ARX: variants seen among roughly 807,000 people sequenced by gnomAD.
ARX encodes the protein homeobox protein ARX.
Under a neutral mutation model 23.1 loss-of-function variants are expected in ARX, and 1 was observed. The observed-to-expected ratio is 0.04, with a 90% CI of 0.02 to 0.21. The LOEUF (loss-of-function observed/expected upper bound fraction) is 0.21. ARX is among the 10% of genes least tolerant of loss of function. The probability of loss-of-function intolerance (pLI) is 1.00; values close to 1 mark genes in which losing one functional copy is unlikely to be tolerated. For missense variants in ARX, 380 were observed against 527.5 expected, an observed-to-expected ratio of 0.72 and a Z score of 2.74; for synonymous variants, 301 against 270.1, an observed-to-expected ratio of 1.11 and a Z score of -1.12.
At position 25,004,292 on chromosome X, in the gene ARX, A is replaced by G. The variant is rs771348025; in HGVS notation, c.*378T>C. On this transcript the variant is annotated 3_prime_UTR_variant, in exon 5 of 5. Transcript: ENST00000379044. ...AAAAAAGAAAGAAAGAAAGAAAGAA[A>G]AGAAAGGCTAAGTGGGGTGTCAGGA... 1.4e-4 allele frequency: 22 copies of G among 158,341 alleles called. No homozygotes were observed. Among genetic ancestry groups the G allele is most frequent in the Middle Eastern group, 2.5e-3 (1 of 398 alleles). 13.0% of individuals were successfully genotyped at this position (158,341 alleles called of 1,213,427 possible).
chrX:25,011,307 C>T (rs186505140), intron 2 of ARX, among the ~76,000 whole-genome samples: 195 of 110,158 alleles, frequency 1.8e-3, no homozygotes, highest in African/African-American at 6.2e-3. Flanking sequence ...AAATCTAAAG[C>T]GGCACTCCAG....
At chrX:25,010,209 C>T in intron 3 of ARX, 51 bp downstream of exon 3, 2 of 1,184,684 alleles carry the variant, frequency 1.7e-6, no homozygotes, top group South Asian at 1.8e-5. Context: ...CTCTCTCTCC[C>T]ACTGGCCCCC....
At chrX:25,004,975 C>T (rs2048671369) in intron 4 of ARX, 65 bp from the exon 5 acceptor site, 5 of 1,053,843 alleles carry the variant, frequency 4.7e-6, no homozygotes, top group Non-Finnish European at 6.1e-6. Context: ...CGGGCAGCGT[C>T]TCCCGCCGCT....
rs922800521 is a variant in ARX at position 25,013,170 on chromosome X, G to A, written c.825C>T (p.Ala275=). Reference sequence around the variant, plus strand: ...TGGCCACTGCAGCGGCAGCTGCTGCGGCCACGGCGCCAGTGGCGGCCACAG... The same window carrying A: ...TGGCCACTGCAGCGGCAGCTGCTGCAGCCACGGCGCCAGTGGCGGCCACAG... The part of the protein sequence containing the change: ...RCPVAATGAV[A]AAAAAAVATE... Residue 275 remains alanine, a synonymous_variant, in exon 2 of 5, where the codon GCC becomes GCT. Transcript: ENST00000379044. 5.0e-6 allele frequency: 6 copies of A among 1,190,442 alleles called. No individual in the cohort carries two copies. The East Asian group carries it at 9.1e-5, about 18-fold the overall frequency.
In ARX at chrX:25,007,452, G is replaced by A. The variant is rs1182487787; in HGVS notation, c.1120-13C>T. 8.7e-7 allele frequency: 1 copy of A among 1,155,166 alleles called. No individual in the cohort carries two copies. Among genetic ancestry groups the A allele is most frequent in the Admixed American group, 2.5e-5 (1 of 39,280 alleles). On this transcript the variant is annotated splice_polypyrimidine_tract_variant and intron_variant, in intron 3 of 4. Transcript: ENST00000379044. ...TCTGGAACCAGACCTGCAAGGCAGA[G>A]AGAGCCCAGGGTCGGCGCGGCTCGG...
chrX:25,005,398 C>T (rs759075481), intron 4 of ARX, among the ~76,000 whole-genome samples: 6 of 112,336 alleles, frequency 5.3e-5, no homozygotes, highest in African/African-American at 1.9e-4. Context: ...GGACGCACGC[C>T]GCAGGCTCTG....
At chrX:25,005,023 AC>A in intron 4 of ARX, 113 bp from the exon 5 acceptor site, 1 of 985,783 alleles carries the variant, frequency 1.0e-6, no homozygotes, top group Non-Finnish European at 1.3e-6. Context: ...TACCCACGGG[AC>A]CCGGATGGGC....
rs1039789273 is a variant in ARX, at chrX:25,004,698, C to T, written c.1661G>A (p.Gly554Asp). 7 of 1,164,062 alleles carry T rather than the reference C, an allele frequency of 6.0e-6. No homozygotes were observed. The highest frequency in any genetic ancestry group is 1.8e-5 in the African/African-American group (1 of 56,082). ...GCACACCTCCTTGCCCGTGCTGGTG[C>T]CCGGCAGGATGTTGAGCTGCGTGAG... ...AQLTQLNILP[G>D]TSTGKEVC Residue 554 changes from glycine (G) to aspartate (D), a missense_variant, in exon 5 of 5, where the codon GGC (glycine) becomes GAC (aspartate). Gly to Asp is a moderately conservative substitution (Grantham distance 94, BLOSUM62 -1). Transcript: ENST00000379044.
In ARX at chrX:25,013,371, G is replaced by A; in HGVS notation, c.624C>T (p.Ala208=). ...CAGCCGGGGCGCTGCCCGGGCCGCC[G>A]GCCACGCCGAGGCGCTCCTCCGGGT... The part of the protein sequence containing the change: ...VTHPEERLGV[A]GGPGSAPAAG... Residue 208 remains alanine (A), a synonymous_variant, in exon 2 of 5, where the codon GCC becomes GCT. Transcript: ENST00000379044. 7.0e-6 allele frequency: 8 copies of A among 1,140,178 alleles called. No homozygotes were observed. The highest frequency in any genetic ancestry group is 9.2e-6 in the Non-Finnish European group (8 of 866,217). 94.0% of individuals were successfully genotyped at this position (1,140,178 alleles called of 1,213,427 possible). A position where few individuals can be genotyped will look rare whatever the true frequency, so the allele number is the denominator to read the frequency against.
chrX:25,010,310 A>G lies in ARX; in HGVS notation c.1074-5T>C. On this transcript the variant is annotated splice_region_variant and splice_polypyrimidine_tract_variant and intron_variant, in intron 2 of 4. Coordinates refer to ENST00000379044, the MANE Select transcript of ARX (RefSeq NM_139058.3). ...AGCCTCATGGCCAGTTCCTCCCTAT[A>G]AGAAAGCAACACACAGACAGGAGGT... 8.3e-7 allele frequency: 1 copy of G among 1,209,590 alleles called. No homozygotes were observed.
intron 4 of ARX, among the ~76,000 whole-genome samples, chrX:25,005,682 C>G (rs1202567790): frequency 1.8e-5 from 2 of 112,723 alleles, no homozygotes; most frequent in South Asian, 3.6e-4. Context: ...CCTCAGGGAG[C>G]CCCCGACCCA....
Position 25,013,289 on chromosome X carries a change from C to G in ARX, c.706G>C (p.Asp236His), listed in dbSNP as rs1291778310. ...DEEELLEDEEDEDEEEELLED... is the reference protein window; with the variant it reads ...DEEELLEDEEHEDEEEELLED... ...AGCAGTTCCTCTTCCTCGTCCTCAT[C>G]TTCTTCGTCCTCCAGCAGCTCCTCC... Residue 236 changes from aspartate (D) to histidine (H), a missense_variant, in exon 2 of 5, where the codon GAT (aspartate) becomes CAT (histidine). Asp to His is a moderately conservative substitution (Grantham distance 81). Around this residue, in one of 3 missense-constraint regions of ARX, gnomAD observed 235 missense variants for 270.2 expected, o/e 0.87. Transcript: ENST00000379044. 1.4e-5 allele frequency: 16 copies of G among 1,152,363 alleles called. No homozygotes were observed. The highest frequency in any genetic ancestry group is 1.8e-5 in the African/African-American group (1 of 55,410). 95.0% of individuals were successfully genotyped at this position (1,152,363 alleles called of 1,213,427 possible).
rs1442626496 is a variant in ARX, at chrX:25,007,156, G to T, written c.1403C>A (p.Ala468Glu). 2 of 1,201,214 alleles carry T rather than the reference G, an allele frequency of 1.7e-6. No homozygotes were observed. Among genetic ancestry groups the T allele is most frequent in the Non-Finnish European group, 2.2e-6 (2 of 891,046 alleles). Residue 468 changes from alanine to glutamate, a missense_variant, in exon 4 of 5, where the codon GCG (alanine) becomes GAG (glutamate). Ala to Glu is a moderately radical substitution (Grantham distance 107). Around this residue, in one of 3 missense-constraint regions of ARX, gnomAD observed 121 missense variants for 169.7 expected, o/e 0.71. Transcript: ENST00000379044. ...APLGLSTFLGAAVFRHPAFIS... is the reference protein window; with the variant it reads ...APLGLSTFLGEAVFRHPAFIS... ...GAAAGCTGGGTGTCGGAACACTGCCGCTCCGAGGAAAGTGCTCAGGCCCAG... is the reference window on the plus strand; with the variant it reads ...GAAAGCTGGGTGTCGGAACACTGCCTCTCCGAGGAAAGTGCTCAGGCCCAG...
At chrX:25,009,649 G>A (rs892008936) in intron 3 of ARX, among the ~76,000 whole-genome samples, 1 of 111,464 alleles carries the variant, frequency 9.0e-6, no homozygotes, top group African/African-American at 3.3e-5. Context: ...TCTGGTATGG[G>A]GCTGCAAACA....
At position 25,004,002 on chromosome X, in the gene ARX, T is replaced by A. The variant is rs769672754; in HGVS notation, c.*668A>T. ...AGCTCTGTTCTTTTTTTTTTTTTTT[T>A]AATAACAATGGTATGTACAGAATCA... On this transcript the variant is annotated 3_prime_UTR_variant, in exon 5 of 5. Transcript: ENST00000379044. The A allele has an allele frequency of 3.9e-5, 4 of 102,742 alleles. No individual in the cohort carries two copies. Among genetic ancestry groups the A allele is most frequent in the African/African-American group, 1.0e-4 (3 of 29,255 alleles). The allele number at this position is 102,742 out of a possible 1,213,427, so 8.5% of individuals were successfully genotyped here.
chrX:25,013,222 G>A lies in ARX; in HGVS notation c.773C>T (p.Ala258Val). The change falls in exon 2 of 5, where the codon GCG (alanine) becomes GTG (valine). Residue 258 changes from alanine (A) to valine (V), a missense_variant. Physicochemically the swap from Ala to Val is moderately conservative, Grantham distance 64 (BLOSUM62 0). Coordinates refer to ENST00000379044, the MANE Select transcript of ARX (RefSeq NM_139058.3). Reference sequence around the variant, plus strand: ...ACAGCGCCGGGGCTCCTTGAGCAGCGCGCGGGCGTCGTCCTCCAGCAGCTC... The same window carrying A: ...ACAGCGCCGGGGCTCCTTGAGCAGCACGCGGGCGTCGTCCTCCAGCAGCTC... Reference protein sequence around the residue: ...EEELLEDDARALLKEPRRCPV... With the variant: ...EEELLEDDARVLLKEPRRCPV... 2 of 1,163,142 alleles carry A rather than the reference G, an allele frequency of 1.7e-6. No individual in the cohort carries two copies. Among genetic ancestry groups the A allele is most frequent in the Non-Finnish European group, 2.3e-6 (2 of 871,851 alleles).
chrX:25,004,269 A>AAAAG lies in ARX; in HGVS notation c.*397_*400dup, dbSNP rs1187412665. ...GCGCCAAAATGCTATTTAAAAAAAA[A>AAAAG]AAAGAAAGAAAGAAAGAAAGAAAAG... is the stretch of plus-strand genomic sequence containing the variant. On this transcript the variant is annotated 3_prime_UTR_variant, in exon 5 of 5. Coordinates refer to ENST00000379044, the MANE Select transcript of ARX (RefSeq NM_139058.3). 34 of 143,975 alleles carry AAAAG rather than the reference A, an allele frequency of 2.4e-4. No homozygotes were observed. The highest frequency in any genetic ancestry group is 7.1e-4 in the African/African-American group (22 of 31,033). 11.9% of individuals were successfully genotyped at this position (143,975 alleles called of 1,213,427 possible).
chrX:25,004,727 C>A lies in ARX; in HGVS notation c.1632G>T (p.Ala544=). ...GCAGGATGTTGAGCTGCGTGAGCTG[C>A]GCCGCGTGCTCCTTGGCCTTGAGCC... is the stretch of plus-strand genomic sequence containing the variant. ...ALRLKAKEHA[A]QLTQLNILPG... is the part of the protein sequence containing the mutation. Residue 544 remains alanine (A), a synonymous_variant, in exon 5 of 5, where the codon GCG becomes GCT. Coordinates refer to ENST00000379044, the MANE Select transcript of ARX (RefSeq NM_139058.3). 1.7e-6 allele frequency: 2 copies of A among 1,165,478 alleles called. No individual in the cohort carries two copies. Among genetic ancestry groups the A allele is most frequent in the Non-Finnish European group, 2.3e-6 (2 of 872,669 alleles).
chrX:25,006,870 A>C (rs1436990247), intron 4 of ARX, among the ~76,000 whole-genome samples: 1 of 111,191 alleles, frequency 9.0e-6, no homozygotes, highest in Non-Finnish European at 1.9e-5. Flanking sequence ...CTCGGTTGTC[A>C]CGGTTGTCGT....
Sources: gnomAD v4.1 joint callset for allele counts (sites outside exome capture counted in the v4.1 genomes callset) on GRCh38, gnomAD v4.1.1 for gene constraint, gnomAD v4.1.1 regional missense constraint, MANE v1.5 for transcripts, NCBI Gene and HGNC (gene_info 2026-07-23, HGNC 2026-07-21) for gene names.